The following TMEM167A variants were observed in gnomAD, a reference collection of about 807,000 sequenced individuals.
The protein encoded by TMEM167A is transmembrane protein 167A.
TMEM167A carries 8 observed loss-of-function variants against 11.6 expected under a neutral mutation model. That is an observed-to-expected ratio of 0.69 (90% confidence interval 0.40 to 1.24). TMEM167A has a LOEUF of 1.24. TMEM167A is among the 50% of genes most tolerant of loss of function. The probability of loss-of-function intolerance (pLI) is 0.01; values close to 1 mark genes in which losing one functional copy is unlikely to be tolerated. For missense variants in TMEM167A, 62 were observed against 87.0 expected (o/e 0.71, Z 1.14); for synonymous variants, 22 against 28.0 (o/e 0.79, Z 0.67).
intron 1 of TMEM167A, among the ~76,000 whole-genome samples, chr5:83,074,951 G>C (rs999160761): frequency 3.3e-5 from 5 of 152,036 alleles, no homozygotes; most frequent in Non-Finnish European, 7.4e-5. Context: ...TTTATTTTTA[G>C]TAGAGATGGG....
At chr5:83,076,310 C>T (rs984184267) in intron 1 of TMEM167A, among the ~76,000 whole-genome samples, 15 of 152,176 alleles carry the variant, frequency 9.9e-5, no homozygotes, top group Non-Finnish European at 5.9e-5. Flanking sequence ...TTTGGAAAAA[C>T]AAGCATGACA....
At chr5:83,058,126 T>C (rs993877114) in intron 3 of TMEM167A, among the ~76,000 whole-genome samples, 3 of 152,098 alleles carry the variant, frequency 2.0e-5, no homozygotes, top group Non-Finnish European at 4.4e-5. Context: ...TCTTTCTTAA[T>C]GAAACTCCTT....
At chr5:83,057,179 T>C in intron 3 of TMEM167A, 25 bp from the exon 4 acceptor site, 2 of 1,606,584 alleles carry the variant, frequency 1.2e-6, no homozygotes, top group Non-Finnish European at 8.5e-7. Flanking sequence ...GAGATGTTCA[T>C]CTTGATTAAC....
intron 3 of TMEM167A, 79 bp from the exon 4 acceptor site, chr5:83,057,233 A>G: frequency 7.4e-7 from 1 of 1,347,600 alleles, no homozygotes; most frequent in Non-Finnish European, 1.1e-6. Context: ...TACCATAAGA[A>G]TCAAGATAAC....
chr5:83,064,396 T>C (rs75944262), intron 2 of TMEM167A: 61 of 504,920 alleles, frequency 1.2e-4, no homozygotes, highest in Admixed American at 5.8e-4. Context: ...TCTACTACTA[T>C]GTAATTATTC....
chr5:83,066,909 C>T (rs944441894), intron 1 of TMEM167A, among the ~76,000 whole-genome samples: 2 of 152,152 alleles, frequency 1.3e-5, no homozygotes, highest in Admixed American at 6.5e-5. Flanking sequence ...TCCTTTTCAC[C>T]AGGTCTGTTT....
Position 83,057,018 on chromosome 5 carries a change from T to C in TMEM167A, c.*66A>G. Reference sequence around the variant, plus strand: ...AAAGAGTTAAACATCCTTTCCATTATTTTCTGCAGTCAGTCCTTGTTCACA... The same window carrying C: ...AAAGAGTTAAACATCCTTTCCATTACTTTCTGCAGTCAGTCCTTGTTCACA... On this transcript the variant is annotated 3_prime_UTR_variant, in exon 4 of 4. Coordinates refer to ENST00000502346, the MANE Select transcript of TMEM167A (RefSeq NM_174909.5). The C allele has an allele frequency of 7.2e-7, 1 of 1,391,770 alleles. No homozygotes were observed. Among genetic ancestry groups the C allele is most frequent in the Non-Finnish European group, 1.0e-6 (1 of 982,058 alleles). 86.2% of individuals were successfully genotyped at this position (1,391,770 alleles called of 1,614,324 possible).
At chr5:83,071,001 G>T (rs1744551507) in intron 1 of TMEM167A, among the ~76,000 whole-genome samples, 2 of 152,060 alleles carry the variant, frequency 1.3e-5, no homozygotes, top group Admixed American at 6.6e-5. Context: ...AATGCAAAAA[G>T]AAAGAAACAA....
intron 1 of TMEM167A, among the ~76,000 whole-genome samples, chr5:83,074,800 C>T (rs942941193): frequency 2.7e-5 from 4 of 150,030 alleles, no homozygotes; most frequent in Non-Finnish European, 1.5e-5. Flanking sequence ...GATGGAGTTT[C>T]GCTCTTGTTG....
chr5:83,061,812 A>T (rs1744410664), intron 3 of TMEM167A, 65 bp downstream of exon 3: 2 of 1,428,910 alleles, frequency 1.4e-6, no homozygotes, highest in Non-Finnish European at 9.8e-7. Flanking sequence ...TTGTGAGATT[A>T]TAACCTAAGT....
At position 83,055,296 on chromosome 5, in the gene TMEM167A, A is replaced by G. The variant is rs1413176853; in HGVS notation, c.*1788T>C. On this transcript the variant is annotated 3_prime_UTR_variant, in exon 4 of 4. Coordinates refer to ENST00000502346, the MANE Select transcript of TMEM167A (RefSeq NM_174909.5). The stretch of plus-strand genomic sequence containing the variant: ...CTTTTCATATTCGATTTGTCTTAGC[A>G]TATAAAAAATTAGTTGACATGGCTT... 3 of 152,028 alleles carry G rather than the reference A, an allele frequency of 2.0e-5. No individual in the cohort carries two copies. In the East Asian group the frequency reaches 5.8e-4, roughly 29 times the overall value. The allele number at this position is 152,028 out of a possible 1,614,324, so 9.4% of individuals were successfully genotyped here. A position where few individuals can be genotyped will look rare whatever the true frequency, so the allele number is the denominator to read the frequency against.
chr5:83,076,732 A>T (rs1744674959), intron 1 of TMEM167A, among the ~76,000 whole-genome samples: 1 of 152,258 alleles, frequency 6.6e-6, no homozygotes, highest in Non-Finnish European at 1.5e-5. Flanking sequence ...GCCTGAGGCT[A>T]GACACCACTC....
At chr5:83,075,112 G>C (rs1451789733) in intron 1 of TMEM167A, among the ~76,000 whole-genome samples, 3 of 151,624 alleles carry the variant, frequency 2.0e-5, no homozygotes, top group Non-Finnish European at 4.4e-5. Flanking sequence ...AAAATACCTA[G>C]TCTTTAAGAA....
intron 1 of TMEM167A, among the ~76,000 whole-genome samples, chr5:83,075,543 G>T (rs1401180875): frequency 1.3e-5 from 2 of 151,932 alleles, no homozygotes. Flanking sequence ...TCAAGAGATC[G>T]AGACCATCTT....
At chr5:83,065,915 T>C (rs1744474915) in intron 1 of TMEM167A, among the ~76,000 whole-genome samples, 1 of 152,162 alleles carries the variant, frequency 6.6e-6, no homozygotes, top group African/African-American at 2.4e-5. Context: ...AATTCAGCTC[T>C]AGCATCACCT....
At chr5:83,065,195 T>G (rs913137387) in intron 1 of TMEM167A, 78 bp from the exon 2 acceptor site, 1 of 878,130 alleles carries the variant, frequency 1.1e-6, no homozygotes, top group African/African-American at 1.7e-5. Flanking sequence ...ATTCCACATT[T>G]AGAGTCATGT....
intron 1 of TMEM167A, 39 bp downstream of exon 1, chr5:83,077,282 C>T: frequency 1.9e-6 from 3 of 1,614,208 alleles, no homozygotes; most frequent in South Asian, 1.1e-5. Flanking sequence ...ACAACCCCTT[C>T]TCGAAGATCA....
intron 1 of TMEM167A, among the ~76,000 whole-genome samples, chr5:83,066,921 C>T (rs1744491878): frequency 6.6e-6 from 1 of 152,130 alleles, no homozygotes; most frequent in Non-Finnish European, 1.5e-5. Flanking sequence ...GGTCTGTTTC[C>T]CCTTTGACCT....
intron 2 of TMEM167A, chr5:83,064,186 C>T: frequency 2.0e-6 from 1 of 510,114 alleles, no homozygotes; most frequent in Non-Finnish European, 3.9e-6. Flanking sequence ...TAAAAATAGG[C>T]ATGCTCTTTT....
Sources: gnomAD v4.1 joint callset for allele counts (sites outside exome capture counted in the v4.1 genomes callset) on GRCh38, gnomAD v4.1.1 for gene constraint, MANE v1.5 for transcripts, NCBI Gene and HGNC (gene_info 2026-07-23, HGNC 2026-07-21) for gene names.